LHCGR: variants seen among roughly 807,000 people sequenced by gnomAD.
LHCGR encodes the protein luteinizing hormone/choriogonadotropin receptor, also known as lutropin-choriogonadotropic hormone receptor.
A neutral mutation model predicts 60.7 loss-of-function variants in LHCGR; 55 were observed. That is an observed-to-expected ratio of 0.91 (90% CI 0.73 to 1.13). The LOEUF is 1.13. Ranked by LOEUF, LHCGR falls within the 50% of genes most tolerant of loss-of-function variation. LHCGR has a pLI of 0.00. For synonymous variants in LHCGR, 337 were observed against 316.5 expected, an observed-to-expected ratio of 1.06 and a Z score of -0.69; for missense variants, 862 against 836.0, an observed-to-expected ratio of 1.03 and a Z score of -0.38.
chr2:48,741,714 C>A (rs1572888456), intron 1 of LHCGR, among the ~76,000 whole-genome samples: 2 of 151,572 alleles, frequency 1.3e-5, no homozygotes, highest in African/African-American at 4.8e-5. Flanking sequence ...AAAGGAACAA[C>A]CGGTACCAGC....
intron 1 of LHCGR, among the ~76,000 whole-genome samples, chr2:48,755,168 G>C (rs2103764891): frequency 6.6e-6 from 1 of 151,992 alleles, no homozygotes; most frequent in Non-Finnish European, 1.5e-5. Context: ...CTCTGGCAGA[G>C]ACCCCTGCCA....
intron 2 of LHCGR, among the ~76,000 whole-genome samples, chr2:48,730,510 A>G (rs1382095990): frequency 6.6e-6 from 1 of 152,216 alleles, no homozygotes; most frequent in East Asian, 1.9e-4. Flanking sequence ...TCTTCTTTAG[A>G]GATGCAAATC....
At chr2:48,722,074 C>T (rs539478550) in intron 6 of LHCGR, among the ~76,000 whole-genome samples, 1 of 152,144 alleles carries the variant, frequency 6.6e-6, no homozygotes, top group Non-Finnish European at 1.5e-5. Flanking sequence ...CACTTGAACC[C>T]AGGAGGCAGA....
chr2:48,723,325 C>A, intron 6 of LHCGR, 131 bp downstream of exon 6: 1 of 741,552 alleles, frequency 1.3e-6, no homozygotes. Context: ...TCACCCTTAG[C>A]ATTTTAGGTT....
intron 6 of LHCGR, chr2:48,721,517 A>T (rs1668494435): frequency 3.1e-6 from 1 of 320,536 alleles, no homozygotes. Flanking sequence ...CATTAATCTG[A>T]GATGAAGCTA....
intron 3 of LHCGR, among the ~76,000 whole-genome samples, chr2:48,728,027 C>T (rs1572870781): frequency 6.6e-6 from 1 of 152,224 alleles, no homozygotes. Flanking sequence ...CCACATGTGG[C>T]CCAGGATGGC....
At chr2:48,750,167 G>A (rs556248765) in intron 1 of LHCGR, among the ~76,000 whole-genome samples, 1 of 152,162 alleles carries the variant, frequency 6.6e-6, no homozygotes, top group Non-Finnish European at 1.5e-5. Context: ...AAAGCTGAGG[G>A]TAGGGCCAAG....
intron 8 of LHCGR, among the ~76,000 whole-genome samples, chr2:48,703,920 C>G (rs769584845): frequency 6.6e-6 from 1 of 152,144 alleles, no homozygotes; most frequent in East Asian, 1.9e-4. Flanking sequence ...ACTTCCAATA[C>G]TATGTTGAAT....
chr2:48,708,594 C>T (rs774306753), intron 8 of LHCGR, among the ~76,000 whole-genome samples: 2 of 151,864 alleles, frequency 1.3e-5, no homozygotes, highest in Non-Finnish European at 2.9e-5. Context: ...ACACAATGTA[C>T]CATGTGAAGA....
At chr2:48,714,080 G>C (rs1241350252) in intron 6 of LHCGR, 26 bp from the exon 7 acceptor site, 1 of 1,534,242 alleles carries the variant, frequency 6.5e-7, no homozygotes, top group Admixed American at 1.7e-5. Flanking sequence ...GAGGGTTTAG[G>C]AATGGGAAGA....
At position 48,688,977 on chromosome 2, in the gene LHCGR, A is replaced by G; in HGVS notation, c.948-128T>C. ...CCATAATAGCCTCAGCCTTACATTT[A>G]TTTGTTAAATTATTTGAGAACTCTG... On this transcript the variant is annotated intron_variant, in intron 10 of 10. Transcript: ENST00000294954. The surrounding 1 kb of genome is among the most constrained non-coding windows in gnomAD (Gnocchi z 5.2). 2.4e-6 allele frequency: 2 copies of G among 825,102 alleles called. No individual in the cohort carries two copies. Among genetic ancestry groups the G allele is most frequent in the Non-Finnish European group, 3.9e-6 (2 of 518,864 alleles). The allele number at this position is 825,102 out of a possible 1,614,324, so 51.1% of individuals were successfully genotyped here.
At chr2:48,755,153 G>A (rs1670149886) in intron 1 of LHCGR, among the ~76,000 whole-genome samples, 1 of 151,896 alleles carries the variant, frequency 6.6e-6, no homozygotes, top group African/African-American at 2.4e-5. Context: ...AGGCCTGTAA[G>A]ACTTCTCTGG....
rs1317217956 is a variant in LHCGR, at chr2:48,723,544, G to C, written c.459-11C>G. 3.7e-6 allele frequency: 6 copies of C among 1,610,054 alleles called. No individual in the cohort carries two copies. The highest frequency in any genetic ancestry group is 5.1e-6 in the Non-Finnish European group (6 of 1,176,310). The stretch of plus-strand genomic sequence containing the variant: ...TTATCACAAATTTCCCTTGAGGAAA[G>C]AAATGAGAAATATTTACTTTCTAAA... On this transcript the variant is annotated splice_polypyrimidine_tract_variant and intron_variant, in intron 5 of 10. Coordinates refer to ENST00000294954, the MANE Select transcript of LHCGR (RefSeq NM_000233.4).
Position 48,687,825 on chromosome 2 carries a change from C to A in LHCGR, c.1972G>T (p.Ala658Ser). ...AELYRRKDFS[A>S]YTSNCKNGFT... is the part of the protein sequence containing the mutation. Reference sequence around the variant, plus strand: ...CCATTTTTGCAGTTGGAGGTGTAAGCTGAAAAATCTTTCCTTCTATAAAGT... The same window carrying A: ...CCATTTTTGCAGTTGGAGGTGTAAGATGAAAAATCTTTCCTTCTATAAAGT... The change falls in exon 11 of 11, where the codon GCT becomes TCT. Residue 658 changes from alanine (A) to serine (S), a missense_variant. By Grantham distance (99) the Ala-to-Ser change is moderately conservative. Transcript: ENST00000294954. The A allele has an allele frequency of 6.2e-7, 1 of 1,614,136 alleles. No individual in the cohort carries two copies.
chr2:48,732,962 G>A (rs1318154238), intron 1 of LHCGR: 2 of 533,754 alleles, frequency 3.7e-6, no homozygotes, highest in Admixed American at 1.9e-5. Context: ...AACAGGGACA[G>A]TGTGGGAAGA....
intron 8 of LHCGR, among the ~76,000 whole-genome samples, chr2:48,701,516 C>T (rs1017457563): frequency 6.6e-6 from 1 of 152,124 alleles, no homozygotes; most frequent in Non-Finnish European, 1.5e-5. Context: ...ACGTAACTTG[C>T]TCTCTTAGTT....
chr2:48,751,424 C>T (rs1669950340), intron 1 of LHCGR, among the ~76,000 whole-genome samples: 1 of 152,216 alleles, frequency 6.6e-6, no homozygotes, highest in African/African-American at 2.4e-5. Context: ...TCCACCAGGA[C>T]CCCTCTTTCC....
chr2:48,708,548 C>CCA (rs5831001), intron 8 of LHCGR, among the ~76,000 whole-genome samples: 14 of 150,448 alleles, frequency 9.3e-5, no homozygotes, highest in South Asian at 2.1e-4. Context: ...AGATACCCAC[C>CCA]CACACACACA....
At chr2:48,697,551 C>A (rs1386821040) in intron 9 of LHCGR, among the ~76,000 whole-genome samples, 1 of 152,208 alleles carries the variant, frequency 6.6e-6, no homozygotes, top group African/African-American at 2.4e-5. Context: ...TTCTCAGCTA[C>A]CCAAAAAGCC....
Sources: gnomAD v4.1 joint callset for allele counts (sites outside exome capture counted in the v4.1 genomes callset) on GRCh38, gnomAD v4.1.1 for gene constraint, Gnocchi (gnomAD v3.1) non-coding constraint, MANE v1.5 for transcripts, NCBI Gene and HGNC (gene_info 2026-07-23, HGNC 2026-07-21) for gene names.